The following ZNF41 variants were observed in gnomAD, a reference collection of about 807,000 sequenced individuals.
ZNF41 encodes the protein zinc finger protein 41.
ZNF41 carries 6 observed loss-of-function variants against 9.3 expected under a neutral mutation model. The observed-to-expected ratio is 0.65, with a 90% CI of 0.35 to 1.28. The LOEUF (loss-of-function observed/expected upper bound fraction) is 1.28. ZNF41 is among the 50% of genes most tolerant of loss of function. The pLI, the probability that ZNF41 is intolerant of heterozygous loss-of-function variation, is 0.03. For missense variants in ZNF41, 523 were observed against 585.8 expected, an observed-to-expected ratio of 0.89 and a Z score of 1.11; for synonymous variants, 192 against 207.1, an observed-to-expected ratio of 0.93 and a Z score of 0.63.
chrX:47,477,459 T>C (rs763212942), intron 1 of ZNF41, among the ~76,000 whole-genome samples: 1 of 112,909 alleles, frequency 8.9e-6, no homozygotes, highest in African/African-American at 3.2e-5. Context: ...GCCACATTCT[T>C]ACTATCAAGG....
chrX:47,479,011 TATAGAG>T (rs762665837), intron 1 of ZNF41, among the ~76,000 whole-genome samples: 61 of 111,606 alleles, frequency 5.5e-4, no homozygotes, highest in African/African-American at 1.9e-3. Context: ...TAGACCAATC[TATAGAG>T]ACAGGAAGTA....
chrX:47,456,495 T>C, intron 2 of ZNF41, 97 bp from the exon 3 acceptor site: 1 of 1,137,641 alleles, frequency 8.8e-7, no homozygotes, highest in Non-Finnish European at 1.2e-6. Flanking sequence ...TACCATAATG[T>C]ATCATGTAGG....
At chrX:47,451,781 C>T (rs535934480) in intron 4 of ZNF41, among the ~76,000 whole-genome samples, 3 of 112,190 alleles carry the variant, frequency 2.7e-5, no homozygotes, top group African/African-American at 9.7e-5. Context: ...GAGGCTGAGG[C>T]AGGAGAATTG....
chrX:47,456,176 G>C (rs745949058), intron 3 of ZNF41, 96 bp downstream of exon 3: 26 of 1,122,366 alleles, frequency 2.3e-5, no homozygotes, highest in Non-Finnish European at 3.2e-5. Flanking sequence ...GACAAATCCA[G>C]GATGACACCA....
chrX:47,473,007 C>G (rs970850351), intron 1 of ZNF41, among the ~76,000 whole-genome samples: 5 of 110,144 alleles, frequency 4.5e-5, no homozygotes, highest in African/African-American at 1.7e-4. Context: ...AAGCATAAGC[C>G]ACTGCGCCTG....
chrX:47,478,060 T>C (rs1569303276), intron 1 of ZNF41, among the ~76,000 whole-genome samples: 1 of 111,861 alleles, frequency 8.9e-6, no homozygotes, highest in Non-Finnish European at 1.9e-5. Flanking sequence ...TAGAAACAGA[T>C]AGTAGAATGG....
intron 2 of ZNF41, among the ~76,000 whole-genome samples, chrX:47,462,952 CACACACACACACACATATGTGT>C (rs1273107708): frequency 2.6e-4 from 27 of 103,860 alleles, no homozygotes; most frequent in South Asian, 4.4e-4. Context: ...TATATACACA[CACACACACACACACATATGTGT>C]ACACACACAC....
intron 2 of ZNF41, among the ~76,000 whole-genome samples, chrX:47,459,783 A>C (rs1400168902): frequency 9.4e-6 from 1 of 106,781 alleles, no homozygotes; most frequent in Non-Finnish European, 1.9e-5. Context: ...AAAGAAAAGA[A>C]GACAAGGTTG....
chrX:47,463,065 A>G (rs1476275850), intron 2 of ZNF41, among the ~76,000 whole-genome samples: 3 of 109,631 alleles, frequency 2.7e-5, no homozygotes, highest in Non-Finnish European at 5.7e-5. Flanking sequence ...TCTTCAAACA[A>G]TCCTCCCGCT....
chrX:47,482,998 A>ACCCGCC (rs2057523619), intron 1 of ZNF41, 97 bp downstream of exon 1: 1 of 108,859 alleles, frequency 9.2e-6, no homozygotes, highest in Non-Finnish European at 1.9e-5. Flanking sequence ...CGCGAGACGC[A>ACCCGCC]CCCGCCCCCG....
chrX:47,467,226 T>G, intron 2 of ZNF41, 184 bp downstream of exon 2: 2 of 972,374 alleles, frequency 2.1e-6, no homozygotes, highest in Non-Finnish European at 2.8e-6. Flanking sequence ...GGGCTTTGGA[T>G]GTGGCCTCAT....
At chrX:47,474,241 T>C (rs1271800785) in intron 1 of ZNF41, among the ~76,000 whole-genome samples, 1 of 111,701 alleles carries the variant, frequency 9.0e-6, no homozygotes, top group Admixed American at 9.5e-5. Context: ...CCAAGGTGTG[T>C]GGATCACCTG....
intron 2 of ZNF41, among the ~76,000 whole-genome samples, chrX:47,458,192 A>T (rs2056643751): frequency 8.9e-6 from 1 of 111,864 alleles, no homozygotes; most frequent in African/African-American, 3.2e-5. Flanking sequence ...CGATACAGAA[A>T]CCATCTCTTA....
At chrX:47,462,799 C>A (rs372513798) in intron 2 of ZNF41, among the ~76,000 whole-genome samples, 81 of 109,396 alleles carry the variant, frequency 7.4e-4, no homozygotes, top group African/African-American at 2.6e-3. Flanking sequence ...ACTCTGCCAC[C>A]CAGGCTGGAG....
intron 1 of ZNF41, among the ~76,000 whole-genome samples, chrX:47,477,663 G>C (rs768028495): frequency 8.9e-6 from 1 of 112,039 alleles, no homozygotes; most frequent in African/African-American, 3.2e-5. Context: ...CTACTACTTT[G>C]GGTCTTCATT....
At position 47,447,608 on chromosome X, in the gene ZNF41, C is replaced by T; in HGVS notation, c.2162G>A (p.Cys721Tyr). The change falls in exon 5 of 5, where the codon TGT (cysteine) becomes TAT (tyrosine). Residue 721 changes from cysteine to tyrosine, a missense_variant. Coordinates refer to ENST00000684689, the MANE Select transcript of ZNF41 (RefSeq NM_001324144.2). ...GATGAAAGCTTTCCCACATTTACTA[C>T]ATTCATAGTGTCTTTCTCCAGTATG... is the stretch of plus-strand genomic sequence containing the variant. ...KSHTGERHYE[C>Y]SKCGKAFIQK... The T allele has an allele frequency of 8.3e-7, 1 of 1,211,682 alleles. No homozygotes were observed. The highest frequency in any genetic ancestry group is 1.1e-6 in the Non-Finnish European group (1 of 895,405).
At chrX:47,464,994 T>C (rs1274118348) in intron 2 of ZNF41, among the ~76,000 whole-genome samples, 1 of 111,737 alleles carries the variant, frequency 8.9e-6, no homozygotes, top group Admixed American at 9.5e-5. Flanking sequence ...CAAATGATTC[T>C]CCAACCTCAG....
intron 1 of ZNF41, among the ~76,000 whole-genome samples, chrX:47,470,773 GA>G (rs1569298090): frequency 1.1e-4 from 12 of 108,882 alleles, no homozygotes; most frequent in South Asian, 3.9e-4. Context: ...AGAAAAAAAG[GA>G]AAAAAAATAA....
At chrX:47,452,209 G>A (rs572709532) in intron 4 of ZNF41, among the ~76,000 whole-genome samples, 3 of 110,693 alleles carry the variant, frequency 2.7e-5, no homozygotes, top group Admixed American at 9.7e-5. Flanking sequence ...CAGGTCTCGC[G>A]GTCTTCTCTA....
Sources: gnomAD v4.1 joint callset for allele counts (sites outside exome capture counted in the v4.1 genomes callset) on GRCh38, gnomAD v4.1.1 for gene constraint, MANE v1.5 for transcripts, NCBI Gene and HGNC (gene_info 2026-07-23, HGNC 2026-07-21) for gene names.